Variants in KCNJ6 observed in about 807,000 individuals in gnomAD.
KCNJ6 encodes the protein potassium inwardly rectifying channel subfamily J member 6, also known as G protein-activated inward rectifier potassium channel 2.
In KCNJ6, 9 loss-of-function variants were observed where a neutral mutation model predicts 34.2. The ratio of observed to expected loss-of-function variants is 0.26; its 90% CI spans 0.16 to 0.46. The LOEUF (loss-of-function observed/expected upper bound fraction) is 0.46, where lower values mean the gene tolerates loss of function less well. Ranked by LOEUF, KCNJ6 falls within the 20% of genes least tolerant of loss-of-function variation. The pLI, the probability that KCNJ6 is intolerant of heterozygous loss-of-function variation, is 1.00. For synonymous variants in KCNJ6, 196 were observed against 207.1 expected (o/e 0.95, Z 0.46); for missense variants, 236 against 531.3 (o/e 0.44, Z 5.46).
intron 2 of KCNJ6, among the ~76,000 whole-genome samples, chr21:37,745,001 A>AAGAGGGAGACAGCAGAAG (rs2054959828): frequency 6.6e-6 from 1 of 151,250 alleles, no homozygotes; most frequent in African/African-American, 2.4e-5. Context: ...TGAAAAGTGG[A>AAGAGGGAGACAGCAGAAG]AGAGGGAGAC....
chr21:37,672,736 C>T (rs985438668), intron 3 of KCNJ6, among the ~76,000 whole-genome samples: 23 of 152,054 alleles, frequency 1.5e-4, no homozygotes, highest in Admixed American at 6.6e-4. Context: ...TTCTCTTTTT[C>T]TCCCTTCCCC....
intron 3 of KCNJ6, among the ~76,000 whole-genome samples, chr21:37,699,996 C>T (rs981800913): frequency 6.6e-6 from 1 of 151,918 alleles, no homozygotes; most frequent in Non-Finnish European, 1.5e-5. Flanking sequence ...GGGTCTGAGA[C>T]ATATTTAGAA....
intron 3 of KCNJ6, among the ~76,000 whole-genome samples, chr21:37,661,614 G>GTTCTTTTTTTTTTTTTTTTTT (rs766622814): frequency 1.4e-5 from 1 of 71,172 alleles, no homozygotes; most frequent in Non-Finnish European, 2.6e-5. Context: ...AAGAGACATA[G>GTTCTTTTTTTTTTTTTTTTTT]TTTTTTTTTT....
chr21:37,797,454 G>C (rs1483804893), intron 2 of KCNJ6, among the ~76,000 whole-genome samples: 1 of 152,220 alleles, frequency 6.6e-6, no homozygotes, highest in Non-Finnish European at 1.5e-5. Context: ...ACAAAACCCA[G>C]TGTCTGGAGT....
At chr21:37,787,412 A>G (rs2055197795) in intron 2 of KCNJ6, among the ~76,000 whole-genome samples, 1 of 151,966 alleles carries the variant, frequency 6.6e-6, no homozygotes, top group South Asian at 2.1e-4. Flanking sequence ...GGTCATACTC[A>G]CTCTTCTTTT....
chr21:37,708,946 T>C (rs371715225), intron 3 of KCNJ6, among the ~76,000 whole-genome samples: 4 of 152,138 alleles, frequency 2.6e-5, no homozygotes, highest in East Asian at 3.9e-4. Context: ...TTGATTACAG[T>C]AAAGAAAAAT....
At chr21:37,637,421 C>T (rs1003608164) in intron 3 of KCNJ6, among the ~76,000 whole-genome samples, 1 of 152,082 alleles carries the variant, frequency 6.6e-6, no homozygotes, top group Admixed American at 6.6e-5. Flanking sequence ...AAAAAAGATC[C>T]TACATGTGTA....
At chr21:37,635,304 C>T (rs1010844718) in intron 3 of KCNJ6, among the ~76,000 whole-genome samples, 40 of 149,658 alleles carry the variant, frequency 2.7e-4, no homozygotes, top group African/African-American at 4.2e-4. Context: ...CTGCAACCTC[C>T]GCCTCCCAGG....
In KCNJ6 at chr21:37,608,639, G is replaced by C. The variant is rs974986430; in HGVS notation, c.*16520C>G. 6 of 152,236 alleles carry C rather than the reference G, an allele frequency of 3.9e-5. No homozygotes were observed. Among genetic ancestry groups the C allele is most frequent in the Non-Finnish European group, 7.3e-5 (5 of 68,048 alleles). The allele number at this position is 152,236 out of a possible 1,614,324, so 9.4% of individuals were successfully genotyped here. ...TTAGGTATTTCTAAAACTAGACTCA[G>C]TTACTTCACGTGTGAAGTGGGAAGC... On this transcript the variant is annotated 3_prime_UTR_variant, in exon 4 of 4. Coordinates refer to ENST00000609713, the MANE Select transcript of KCNJ6 (RefSeq NM_002240.5).
intron 2 of KCNJ6, among the ~76,000 whole-genome samples, chr21:37,802,018 C>A (rs1489721212): frequency 6.6e-6 from 1 of 152,206 alleles, no homozygotes; most frequent in East Asian, 1.9e-4. Flanking sequence ...AGTGGTGAAG[C>A]TGGAGCCAAT....
At chr21:37,827,574 T>C (rs1359332048) in intron 2 of KCNJ6, among the ~76,000 whole-genome samples, 2 of 151,660 alleles carry the variant, frequency 1.3e-5, no homozygotes, top group African/African-American at 4.9e-5. Context: ...CAGTACAAGG[T>C]GATAAAACTC....
intron 1 of KCNJ6, among the ~76,000 whole-genome samples, chr21:37,876,187 C>T (rs1198097572): frequency 6.6e-6 from 1 of 152,220 alleles, no homozygotes. Context: ...TGTCTGGGCA[C>T]AGGCTGTGCC....
chr21:37,761,761 T>C (rs79832296), intron 2 of KCNJ6, among the ~76,000 whole-genome samples: 3,318 of 151,778 alleles, frequency 0.022, 101 homozygotes, highest in African/African-American at 0.076. Flanking sequence ...TGTGTATGTG[T>C]TGTGTGTATG....
chr21:37,833,985 C>T (rs2055439626), intron 2 of KCNJ6, among the ~76,000 whole-genome samples: 1 of 152,204 alleles, frequency 6.6e-6, no homozygotes, highest in Non-Finnish European at 1.5e-5. Context: ...CTCCTAAGCT[C>T]AAAGTCCTTT....
chr21:37,851,610 A>G (rs2055537543), intron 1 of KCNJ6, among the ~76,000 whole-genome samples: 1 of 152,192 alleles, frequency 6.6e-6, no homozygotes, highest in Non-Finnish European at 1.5e-5. Context: ...ATTGATTCTC[A>G]GCAACAGAGA....
At chr21:37,752,845 T>G (rs954116542) in intron 2 of KCNJ6, among the ~76,000 whole-genome samples, 5 of 152,166 alleles carry the variant, frequency 3.3e-5, no homozygotes, top group Non-Finnish European at 7.4e-5. Flanking sequence ...TAGGATGCTG[T>G]GTGCTGTGGG....
intron 2 of KCNJ6, among the ~76,000 whole-genome samples, chr21:37,805,663 A>C (rs2123536219): frequency 6.6e-6 from 1 of 152,288 alleles, no homozygotes; most frequent in East Asian, 1.9e-4. Flanking sequence ...AATTAAGATG[A>C]GTTCGGACTA....
chr21:37,871,340 C>A (rs970052284), intron 1 of KCNJ6, among the ~76,000 whole-genome samples: 1 of 152,180 alleles, frequency 6.6e-6, no homozygotes, highest in African/African-American at 2.4e-5. Context: ...TAATCACAGA[C>A]GAATGCCAGA....
intron 2 of KCNJ6, among the ~76,000 whole-genome samples, chr21:37,753,081 AG>A (rs1249953038): frequency 2.0e-5 from 3 of 152,154 alleles, no homozygotes; most frequent in Admixed American, 2.0e-4. Context: ...CTGAGTGCTG[AG>A]GGTGGGCGAG....
Sources: gnomAD v4.1 joint callset for allele counts (sites outside exome capture counted in the v4.1 genomes callset) on GRCh38, gnomAD v4.1.1 for gene constraint, MANE v1.5 for transcripts, NCBI Gene and HGNC (gene_info 2026-07-23, HGNC 2026-07-21) for gene names.